Variants in HERC2 observed in about 807,000 individuals in gnomAD.
HERC2 encodes the protein HECT and RLD domain containing E3 ubiquitin protein ligase 2.
Under a neutral mutation model 537.7 loss-of-function variants are expected in HERC2, and 102 were observed. That is an observed-to-expected ratio of 0.19 (90% CI 0.16 to 0.22). The LOEUF is 0.22. Among genes scored for constraint, HERC2 ranks in the 10% least tolerant of loss-of-function variants. The pLI is 1.00. For missense variants in HERC2, 4,236 were observed against 6,198.2 expected (o/e 0.68, Z 10.63); for synonymous variants, 2,224 against 2,466.2 (o/e 0.90, Z 2.91).
At chr15:28,130,713 T>G in intron 81 of HERC2, 119 bp from the exon 82 acceptor site, 5 of 790,306 alleles carry the variant, frequency 6.3e-6, no homozygotes, top group Non-Finnish European at 1.1e-5. Flanking sequence ...CCATGATGAA[T>G]AATTAGTGCA....
At chr15:28,267,603 A>G (rs2075603369) in intron 12 of HERC2, among the ~76,000 whole-genome samples, 1 of 152,214 alleles carries the variant, frequency 6.6e-6, no homozygotes, top group African/African-American at 2.4e-5. Flanking sequence ...AATCCCTTAC[A>G]ACACTGTCAG....
At chr15:28,300,424 G>A (rs1366092066) in intron 2 of HERC2, among the ~76,000 whole-genome samples, 1 of 150,026 alleles carries the variant, frequency 6.7e-6, no homozygotes, top group Non-Finnish European at 1.5e-5. Flanking sequence ...ATATTTATCG[G>A]TATTGATAAC....
At chr15:28,253,893 C>T (rs1050151584) in intron 20 of HERC2, among the ~76,000 whole-genome samples, 1 of 152,084 alleles carries the variant, frequency 6.6e-6, no homozygotes, top group African/African-American at 2.4e-5. Flanking sequence ...ACCCAGGAGG[C>T]AGAGGTTGCA....
chr15:28,235,230 C>T (rs1207301512), intron 26 of HERC2, among the ~76,000 whole-genome samples: 15 of 152,066 alleles, frequency 9.9e-5, no homozygotes, highest in Admixed American at 3.3e-4. Flanking sequence ...AATCCAATGC[C>T]GACTCTCTCT....
At chr15:28,198,908 G>T (rs1040265033) in intron 48 of HERC2, 139 bp from the exon 49 acceptor site, 24 of 786,952 alleles carry the variant, frequency 3.0e-5, no homozygotes, top group Non-Finnish European at 4.4e-5. Flanking sequence ...AGCACTTTGG[G>T]AGGCTGAGGT....
At chr15:28,171,529 T>C (rs1894696359) in intron 65 of HERC2, among the ~76,000 whole-genome samples, 1 of 151,918 alleles carries the variant, frequency 6.6e-6, no homozygotes, top group Non-Finnish European at 1.5e-5. Flanking sequence ...AGCCAGAAGA[T>C]CACATTCCAG....
rs749202930 is a variant in HERC2 at position 28,256,314 on chromosome 15, G to A, written c.2521C>T (p.His841Tyr). Residue 841 changes from histidine (H) to tyrosine (Y), a missense_variant, in exon 18 of 93, where the codon CAT (histidine) becomes TAT (tyrosine). His to Tyr is a moderately conservative substitution (Grantham distance 83). Coordinates refer to ENST00000261609, the MANE Select transcript of HERC2 (RefSeq NM_004667.6). ...TCAACCTGGTGACTAATGGCAGCAT[G>A]CAACTGAAAGGAGAAAAACAATTTT... The part of the protein sequence containing the change: ...ATLNLLRLQL[H>Y]AAISHQVDPE... 4 of 1,587,152 alleles carry A rather than the reference G, an allele frequency of 2.5e-6. No individual in the cohort carries two copies. The South Asian group carries it at 4.5e-5, about 18-fold the overall frequency.
rs891665510 is a variant in HERC2 at position 28,274,179 on chromosome 15, C to G, written c.800+112G>C. The G allele has an allele frequency of 7.7e-5, 78 of 1,007,230 alleles. 1 individual carries two copies. In the African/African-American group the frequency reaches 1.1e-3, roughly 15 times the overall value. The allele number at this position is 1,007,230 out of a possible 1,614,324, so 62.4% of individuals were successfully genotyped here. ...CACAGCACTGACAGCCCGCTGAAAA[C>G]AGGTGAAAAACCAACCTACTAGGCT... On this transcript the variant is annotated intron_variant, in intron 7 of 92. Transcript: ENST00000261609.
At chr15:28,270,202 TATAGATAG>T (rs547272647) in intron 10 of HERC2, among the ~76,000 whole-genome samples, 2 of 151,800 alleles carry the variant, frequency 1.3e-5, no homozygotes, top group African/African-American at 2.4e-5. Flanking sequence ...TTTATTTATT[TATAGATAG>T]ATAGATAGAT....
At chr15:28,197,725 T>C (rs757477632) in intron 50 of HERC2, among the ~76,000 whole-genome samples, 2 of 152,146 alleles carry the variant, frequency 1.3e-5, no homozygotes, top group African/African-American at 4.8e-5. Flanking sequence ...CACTCCAGCC[T>C]GGTCAGGGGA....
At chr15:28,127,376 G>A (rs1350869386) in intron 83 of HERC2, among the ~76,000 whole-genome samples, 1 of 152,200 alleles carries the variant, frequency 6.6e-6, no homozygotes, top group Non-Finnish European at 1.5e-5. Context: ...TTATGCACGG[G>A]GGGAGTGGCC....
intron 68 of HERC2, among the ~76,000 whole-genome samples, chr15:28,166,362 G>C (rs1276683185): frequency 6.6e-6 from 1 of 152,172 alleles, no homozygotes; most frequent in Non-Finnish European, 1.5e-5. Context: ...CTGTGGTACT[G>C]GATTGGAATT....
At chr15:28,218,756 T>C (rs1900201558) in intron 37 of HERC2, 85 bp from the exon 38 acceptor site, 3 of 1,167,394 alleles carry the variant, frequency 2.6e-6, no homozygotes, top group South Asian at 1.2e-5. Flanking sequence ...GCTTTAATAT[T>C]ACATTCTTGT....
intron 23 of HERC2, among the ~76,000 whole-genome samples, chr15:28,243,498 C>T (rs1903340424): frequency 6.6e-6 from 1 of 152,044 alleles, no homozygotes; most frequent in Non-Finnish European, 1.5e-5. Flanking sequence ...GTTCATATCC[C>T]AAATACACAG....
At chr15:28,205,324 C>A (rs1266202096) in intron 45 of HERC2, among the ~76,000 whole-genome samples, 1 of 96,746 alleles carries the variant, frequency 1.0e-5, no homozygotes, top group Non-Finnish European at 2.0e-5. Context: ...TGATCTCTGC[C>A]AGGGAGACTG....
In HERC2 at chr15:28,122,892, C is replaced by T. The variant is rs997777533; in HGVS notation, c.13188+1145G>A. ...AGCCTGCACAACGCTCACACAGGGC[C>T]AGGTGGGACGTGCCCTGCCTCTCAC... is the stretch of plus-strand genomic sequence containing the variant. On this transcript the variant is annotated intron_variant, in intron 85 of 92. Transcript: ENST00000261609. The surrounding 1 kb of genome is among the most constrained non-coding windows in gnomAD (Gnocchi z 4.1). 5.3e-5 allele frequency among the ~76,000 whole-genome samples: 8 copies of T among 152,132 alleles called. No individual in the cohort carries two copies. The highest frequency in any genetic ancestry group is 7.4e-5 in the Non-Finnish European group (5 of 68,024).
Position 28,116,852 on chromosome 15 carries a change from A to C in HERC2, c.13422T>G (p.Ser4474=). The C allele has an allele frequency of 6.2e-7, 1 of 1,611,546 alleles. No homozygotes were observed. Residue 4474 remains serine, a synonymous_variant, in exon 88 of 93, where the codon TCT becomes TCG. Transcript: ENST00000261609. The part of the protein sequence containing the change: ...RVWKVKFVGE[S]VDDCGGGYSE... ...TGTAGCCGCCCCCACAGTCATCCACAGATTCACCTGCAGGGGAGAAGCAGC... is the reference window on the plus strand; with the variant it reads ...TGTAGCCGCCCCCACAGTCATCCACCGATTCACCTGCAGGGGAGAAGCAGC...
At chr15:28,167,603 G>T in intron 68 of HERC2, 84 bp downstream of exon 68, 2 of 1,499,536 alleles carry the variant, frequency 1.3e-6, no homozygotes, top group South Asian at 2.3e-5. Context: ...AATAGACTGT[G>T]TTCCACTCCT....
At chr15:28,305,841 A>G (rs2076771782) in intron 2 of HERC2, among the ~76,000 whole-genome samples, 1 of 151,324 alleles carries the variant, frequency 6.6e-6, no homozygotes, top group Non-Finnish European at 1.5e-5. Flanking sequence ...AGAAAAAAAC[A>G]AACAACCCCA....
Sources: gnomAD v4.1 joint callset for allele counts (sites outside exome capture counted in the v4.1 genomes callset) on GRCh38, gnomAD v4.1.1 for gene constraint, Gnocchi (gnomAD v3.1) non-coding constraint, MANE v1.5 for transcripts, NCBI Gene and HGNC (gene_info 2026-07-23, HGNC 2026-07-21) for gene names.